LRRC8C: variants seen among roughly 807,000 people sequenced by gnomAD.
LRRC8C encodes leucine rich repeat containing 8 VRAC subunit C.
In LRRC8C, 20 loss-of-function variants were observed where a neutral mutation model predicts 55.3. The observed-to-expected ratio is 0.36, with a 90% CI of 0.25 to 0.53. The LOEUF is 0.53. LRRC8C is among the 20% of genes least tolerant of loss of function. The pLI, the probability that LRRC8C is intolerant of heterozygous loss-of-function variation, is 0.92. For synonymous variants in LRRC8C, 376 were observed against 360.7 expected (o/e 1.04, Z -0.48); for missense variants, 659 against 951.4 (o/e 0.69, Z 4.04).
At chr1:89,706,441 G>T in intron 2 of LRRC8C, 1 of 433,886 alleles carries the variant, frequency 2.3e-6, no homozygotes, top group Non-Finnish European at 4.6e-6. Flanking sequence ...TCTGGCAACT[G>T]CCTAAATAAG....
In LRRC8C at chr1:89,714,216, T is replaced by G. The variant is rs777266019; in HGVS notation, c.1646T>G (p.Ile549Ser). 1 of 1,614,054 alleles carries G rather than the reference T, an allele frequency of 6.2e-7. No homozygotes were observed. The highest frequency in any genetic ancestry group is 1.1e-5 in the South Asian group (1 of 91,074). ...RDLKSLKILS[I>S]KSNVSKIPQA... ...CTCAAAAGCCTTAAAATTCTCTCTA[T>G]CAAAAGCAACGTTTCCAAAATCCCT... Residue 549 changes from isoleucine (I) to serine (S), a missense_variant, in exon 3 of 3, where the codon ATC becomes AGC. Coordinates refer to ENST00000370454, the MANE Select transcript of LRRC8C (RefSeq NM_032270.5). This position sits in a 1 kb window ranked among gnomAD's most constrained non-coding sequence, Gnocchi z 4.6.
In LRRC8C at chr1:89,659,060, TTTG is replaced by T. The variant is rs1247241254; in HGVS notation, c.-5+25740_-5+25742del. ...GTGTCTTCTCCAGGTTTTTTTTTTT[TTTG>T]TGTGTGTGTGTGTGTGTGTGTGTGT... On this transcript the variant is annotated intron_variant, in intron 1 of 2. Transcript: ENST00000370454. Among the ~76,000 whole-genome samples the T allele has an allele frequency of 1.1e-3, 57 of 54,038 alleles. 2 individuals carry two copies. Among genetic ancestry groups the T allele is most frequent in the African/African-American group, 3.3e-3 (51 of 15,572 alleles). 35.5% of individuals were successfully genotyped at this position (54,038 alleles called of 152,430 possible).
rs1424517530 is a variant in LRRC8C at position 89,716,602 on chromosome 1, ACACTATTTGTG to A, written c.*1622_*1632del. 12 of 152,206 alleles carry A rather than the reference ACACTATTTGTG, an allele frequency of 7.9e-5. No homozygotes were observed. Among genetic ancestry groups the A allele is most frequent in the Admixed American group, 6.5e-4 (10 of 15,278 alleles). 9.4% of individuals were successfully genotyped at this position (152,206 alleles called of 1,614,324 possible). ...AGCATGTAGAACAGGAAAATGAAAT[ACACTATTTGTG>A]CCCTTGACCTAGAACCAGAACCACT... On this transcript the variant is annotated 3_prime_UTR_variant, in exon 3 of 3. Coordinates refer to ENST00000370454, the MANE Select transcript of LRRC8C (RefSeq NM_032270.5).
At chr1:89,664,649 T>C (rs937231578) in intron 1 of LRRC8C, among the ~76,000 whole-genome samples, 1 of 152,188 alleles carries the variant, frequency 6.6e-6, no homozygotes, top group African/African-American at 2.4e-5. Context: ...CCATATGAAA[T>C]TTAAAGCAGT....
intron 1 of LRRC8C, among the ~76,000 whole-genome samples, chr1:89,661,516 G>T (rs12406924): frequency 0.23 from 34,509 of 152,108 alleles, 4,158 homozygotes; most frequent in East Asian, 0.44. Context: ...CCAGGCTCTG[G>T]CCTAAGTAGT....
rs1231304012 is a variant in LRRC8C, at chr1:89,716,496, A to G, written c.*1514A>G. 6.6e-6 allele frequency: 1 copy of G among 152,212 alleles called. No homozygotes were observed. Among genetic ancestry groups the G allele is most frequent in the Non-Finnish European group, 1.5e-5 (1 of 68,016 alleles). 9.4% of individuals were successfully genotyped at this position (152,212 alleles called of 1,614,324 possible). On this transcript the variant is annotated 3_prime_UTR_variant, in exon 3 of 3. Transcript: ENST00000370454. ...GCTTAGCAATAATTTTTGCCTGACC[A>G]TCAGCAGAGCTTTTATTTACCTTTG...
At chr1:89,705,020 A>G (rs1658435834) in intron 2 of LRRC8C, among the ~76,000 whole-genome samples, 2 of 151,854 alleles carry the variant, frequency 1.3e-5, no homozygotes, top group Non-Finnish European at 2.9e-5. Context: ...CTTGGAACCA[A>G]CCCAAATGTC....
chr1:89,697,165 A>G (rs537978038), intron 2 of LRRC8C, among the ~76,000 whole-genome samples: 11 of 152,322 alleles, frequency 7.2e-5, no homozygotes, highest in Admixed American at 3.9e-4. Context: ...TTGGACCACA[A>G]CCTGGCAGTT....
chr1:89,672,812 T>G (rs950998893), intron 1 of LRRC8C, among the ~76,000 whole-genome samples: 1 of 143,006 alleles, frequency 7.0e-6, no homozygotes, highest in African/African-American at 2.6e-5. Flanking sequence ...TTATTTATTT[T>G]TATAGAAACA....
At chr1:89,670,320 C>T (rs764403697) in intron 1 of LRRC8C, among the ~76,000 whole-genome samples, 3 of 152,092 alleles carry the variant, frequency 2.0e-5, no homozygotes, top group East Asian at 1.9e-4. Flanking sequence ...TTTTCATTTC[C>T]GCATTTTATC....
In LRRC8C at chr1:89,718,565, C is replaced by A. The variant is rs556603085; in HGVS notation, c.*3583C>A. 1 of 152,124 alleles carries A rather than the reference C, an allele frequency of 6.6e-6. No homozygotes were observed. Among genetic ancestry groups the A allele is most frequent in the African/African-American group, 2.4e-5 (1 of 41,520 alleles). The allele number at this position is 152,124 out of a possible 1,614,324, so 9.4% of individuals were successfully genotyped here. A position where few individuals can be genotyped will look rare whatever the true frequency, so the allele number is the denominator to read the frequency against. ...TTCATTCTTTAAGTAGTTTCTTTTA[C>A]CTCTAATCTAATTTCATACCAAATA... On this transcript the variant is annotated 3_prime_UTR_variant, in exon 3 of 3. Coordinates refer to ENST00000370454, the MANE Select transcript of LRRC8C (RefSeq NM_032270.5).
intron 2 of LRRC8C, among the ~76,000 whole-genome samples, chr1:89,711,573 A>G (rs562784977): frequency 1.2e-3 from 182 of 152,320 alleles, no homozygotes; most frequent in African/African-American, 4.1e-3. Flanking sequence ...ATAGAGTTCT[A>G]CTAACATAGG....
chr1:89,661,765 T>C (rs532161634), intron 1 of LRRC8C, among the ~76,000 whole-genome samples: 1 of 152,238 alleles, frequency 6.6e-6, no homozygotes, highest in African/African-American at 2.4e-5. Flanking sequence ...TTAAGTGCTA[T>C]GGAGAAAAAT....
Position 89,659,051 on chromosome 1 carries a change from TTTTTTTTTTTTGTG to T in LRRC8C, c.-5+25731_-5+25744del, listed in dbSNP as rs776875079. ...TTTTAGGTTGTGTCTTCTCCAGGTTTTTTTTTTTTTTGTGTGTGTGTGTGTGTGTGTGTGTGTGT... is the reference window on the plus strand; with the variant it reads ...TTTTAGGTTGTGTCTTCTCCAGGTTTTGTGTGTGTGTGTGTGTGTGTGTGT... On this transcript the variant is annotated intron_variant, in intron 1 of 2. Transcript: ENST00000370454. Among the ~76,000 whole-genome samples the T allele has an allele frequency of 7.0e-3, 249 of 35,458 alleles. 10 individuals carry two copies. Among genetic ancestry groups the T allele is most frequent in the African/African-American group, 9.7e-3 (109 of 11,292 alleles). The allele number at this position is 35,458 out of a possible 152,430, so 23.3% of individuals were successfully genotyped here. A position where few individuals can be genotyped will look rare whatever the true frequency, so the allele number is the denominator to read the frequency against.
At chr1:89,639,143 G>A (rs1656385360) in intron 1 of LRRC8C, among the ~76,000 whole-genome samples, 1 of 151,722 alleles carries the variant, frequency 6.6e-6, no homozygotes, top group Non-Finnish European at 1.5e-5. Flanking sequence ...AAGCCACCAC[G>A]TCTGGCTAAT....
intron 1 of LRRC8C, among the ~76,000 whole-genome samples, chr1:89,682,490 T>G (rs1045047952): frequency 4.6e-5 from 7 of 152,200 alleles, no homozygotes; most frequent in Non-Finnish European, 7.4e-5. Flanking sequence ...TCTCAAAGTA[T>G]GGTTCATGGA....
intron 1 of LRRC8C, among the ~76,000 whole-genome samples, chr1:89,654,238 G>C (rs1012453614): frequency 2.6e-5 from 4 of 152,124 alleles, no homozygotes; most frequent in African/African-American, 9.7e-5. Flanking sequence ...ACATAGAGTG[G>C]AATAATAGAC....
chr1:89,671,520 C>A (rs1657415379), intron 1 of LRRC8C, among the ~76,000 whole-genome samples: 1 of 152,166 alleles, frequency 6.6e-6, no homozygotes, highest in Admixed American at 6.5e-5. Flanking sequence ...AGAGTAAAGA[C>A]ATGGTTGACC....
Position 89,714,119 on chromosome 1 carries a change from G to C in LRRC8C, c.1549G>C (p.Glu517Gln). The C allele has an allele frequency of 6.2e-7, 1 of 1,614,130 alleles. No individual in the cohort carries two copies. Among genetic ancestry groups the C allele is most frequent in the Non-Finnish European group, 8.5e-7 (1 of 1,180,016 alleles). Residue 517 changes from glutamate to glutamine, a missense_variant, in exon 3 of 3, where the codon GAA (glutamate) becomes CAA (glutamine). This residue lies in a region of LRRC8C where 344 missense variants were observed against 464.6 expected (regional missense o/e 0.74). Coordinates refer to ENST00000370454, the MANE Select transcript of LRRC8C (RefSeq NM_032270.5). The surrounding 1 kb of genome is among the most constrained non-coding windows in gnomAD (Gnocchi z 4.6). ...CTGGATGTATGGGCTCCGAAATCTG[G>C]AAGAGCTGTACCTAGTTGGCTCTCT... The part of the protein sequence containing the change: ...PPWMYGLRNL[E>Q]ELYLVGSLSH...
Sources: gnomAD v4.1 joint callset for allele counts (sites outside exome capture counted in the v4.1 genomes callset) on GRCh38, gnomAD v4.1.1 for gene constraint, gnomAD v4.1.1 regional missense constraint, Gnocchi (gnomAD v3.1) non-coding constraint, MANE v1.5 for transcripts, NCBI Gene and HGNC (gene_info 2026-07-23, HGNC 2026-07-21) for gene names.